Variants in KCNAB1 observed in about 807,000 individuals in gnomAD.
The protein encoded by KCNAB1 is potassium voltage-gated channel subfamily A regulatory beta subunit 1, also known as voltage-gated potassium channel subunit beta-1.
A neutral mutation model predicts 64.6 loss-of-function variants in KCNAB1; 35 were observed. The ratio of observed to expected loss-of-function variants is 0.54; its 90% confidence interval spans 0.41 to 0.72. KCNAB1 has a LOEUF of 0.72. Ranked by LOEUF, KCNAB1 falls within the 30% of genes least tolerant of loss-of-function variation. KCNAB1 has a pLI of 0.00. For synonymous variants in KCNAB1, 177 were observed against 183.8 expected (o/e 0.96, Z 0.30); for missense variants, 401 against 512.9 (o/e 0.78, Z 2.11).
At chr3:156,211,350 T>G (rs941755555) in intron 1 of KCNAB1, among the ~76,000 whole-genome samples, 2 of 152,250 alleles carry the variant, frequency 1.3e-5, no homozygotes, top group African/African-American at 4.8e-5. Flanking sequence ...AATAATTATC[T>G]GCAATGGTTA....
rs1461341673 is a variant in KCNAB1 at position 156,374,501 on chromosome 3, T to G, written c.276-47115T>G. Among the ~76,000 whole-genome samples the G allele has an allele frequency of 2.2e-5, 3 of 135,130 alleles. 1 individual carries two copies. The highest frequency in any genetic ancestry group is 1.0e-4 in the African/African-American group (3 of 30,034). The allele number at this position is 135,130 out of a possible 152,430, so 88.7% of individuals were successfully genotyped here. On this transcript the variant is annotated intron_variant, in intron 1 of 13. Transcript: ENST00000490337. Reference sequence around the variant, plus strand: ...AAGTGTTTATTTGTCAAACATTATTTTTTAGAAGGTACACCAATATTGAGG... The same window carrying G: ...AAGTGTTTATTTGTCAAACATTATTGTTTAGAAGGTACACCAATATTGAGG...
intron 1 of KCNAB1, among the ~76,000 whole-genome samples, chr3:156,268,415 A>G (rs1718844782): frequency 6.6e-6 from 1 of 152,178 alleles, no homozygotes; most frequent in African/African-American, 2.4e-5. Context: ...ATCATATAGT[A>G]GCTCTATTTT....
At chr3:156,180,941 G>GA (rs1250026967) in intron 1 of KCNAB1, among the ~76,000 whole-genome samples, 1 of 152,306 alleles carries the variant, frequency 6.6e-6, no homozygotes, top group South Asian at 2.1e-4. Context: ...CATAGCCCTG[G>GA]ACAGTGGAAG....
intron 1 of KCNAB1, among the ~76,000 whole-genome samples, chr3:156,380,148 C>A (rs552566464): frequency 1.3e-5 from 2 of 152,306 alleles, no homozygotes; most frequent in Admixed American, 1.3e-4. Context: ...CCCCATCCAT[C>A]AGCTGAGGTC....
At chr3:156,153,958 C>T (rs561422223) in intron 1 of KCNAB1, among the ~76,000 whole-genome samples, 1 of 152,132 alleles carries the variant, frequency 6.6e-6, no homozygotes, top group Non-Finnish European at 1.5e-5. Flanking sequence ...CCTATCTATC[C>T]ATTTATCTAT....
chr3:156,172,282 C>CTTTT (rs55927447), intron 1 of KCNAB1, among the ~76,000 whole-genome samples: 3 of 143,756 alleles, frequency 2.1e-5, no homozygotes, highest in Non-Finnish European at 3.0e-5. Flanking sequence ...ATTCAAATGG[C>CTTTT]TTTTTTTTTT....
chr3:156,393,070 G>A (rs1320913222), intron 1 of KCNAB1, among the ~76,000 whole-genome samples: 1 of 152,172 alleles, frequency 6.6e-6, no homozygotes, highest in African/African-American at 2.4e-5. Context: ...TACTACCAAA[G>A]CCATTTAGGC....
intron 7 of KCNAB1, among the ~76,000 whole-genome samples, chr3:156,466,508 G>T (rs530579016): frequency 2.0e-5 from 3 of 151,722 alleles, no homozygotes; most frequent in African/African-American, 7.2e-5. Context: ...TTATTATTTA[G>T]ATTTTTTCAT....
At chr3:156,332,564 C>G (rs191605118) in intron 1 of KCNAB1, among the ~76,000 whole-genome samples, 1 of 152,210 alleles carries the variant, frequency 6.6e-6, no homozygotes, top group Non-Finnish European at 1.5e-5. Flanking sequence ...TTCAGAGTGT[C>G]GTGACATCTG....
chr3:156,486,219 C>T (rs1559910448), intron 8 of KCNAB1, among the ~76,000 whole-genome samples: 3 of 152,276 alleles, frequency 2.0e-5, no homozygotes, highest in African/African-American at 2.4e-5. Context: ...ACGGTGCTTT[C>T]CTGATTCCAT....
intron 7 of KCNAB1, among the ~76,000 whole-genome samples, chr3:156,469,516 A>AT (rs1353569928): frequency 6.6e-6 from 1 of 151,432 alleles, no homozygotes; most frequent in East Asian, 1.9e-4. Flanking sequence ...GCAAATAAGC[A>AT]TTTTTTCAAG....
intron 1 of KCNAB1, among the ~76,000 whole-genome samples, chr3:156,227,356 C>G (rs914000843): frequency 2.0e-5 from 3 of 152,088 alleles, no homozygotes; most frequent in Non-Finnish European, 4.4e-5. Context: ...TTAATAGGCC[C>G]TGAAAGTTTG....
chr3:156,531,306 G>C (rs533604956), intron 12 of KCNAB1, 103 bp from the exon 13 acceptor site: 20 of 849,164 alleles, frequency 2.4e-5, no homozygotes, highest in Admixed American at 3.4e-5. Context: ...ACAAAAAGAA[G>C]TTAATAAATT....
At chr3:156,519,547 C>T (rs565777126) in intron 11 of KCNAB1, among the ~76,000 whole-genome samples, 26 of 152,312 alleles carry the variant, frequency 1.7e-4, no homozygotes, top group African/African-American at 5.8e-4. Flanking sequence ...TATTATTCCA[C>T]GAACACTTCT....
chr3:156,192,729 T>C (rs1713635238), intron 1 of KCNAB1, among the ~76,000 whole-genome samples: 2 of 152,166 alleles, frequency 1.3e-5, no homozygotes, highest in South Asian at 4.1e-4. Flanking sequence ...CTTTTATCAA[T>C]ATGAAATGAG....
intron 3 of KCNAB1, 165 bp from the exon 4 acceptor site, chr3:156,457,288 G>A: frequency 7.0e-7 from 1 of 1,435,150 alleles, no homozygotes; most frequent in Non-Finnish European, 9.1e-7. Context: ...TCTGTCCTAT[G>A]GATACTGGCT....
intron 1 of KCNAB1, among the ~76,000 whole-genome samples, chr3:156,286,374 C>T (rs147224836): frequency 6.8e-4 from 104 of 152,330 alleles, no homozygotes; most frequent in African/African-American, 2.5e-3. Context: ...TGTATACTCA[C>T]ATGTTTAAAA....
At chr3:156,481,419 CAA>C (rs34963527) in intron 8 of KCNAB1, among the ~76,000 whole-genome samples, 3,533 of 119,424 alleles carry the variant, frequency 0.03, 71 homozygotes, top group African/African-American at 0.062. Context: ...AAGCTTGTTG[CAA>C]AAAAAAAAAA....
intron 1 of KCNAB1, among the ~76,000 whole-genome samples, chr3:156,302,403 A>G (rs186995833): frequency 1.3e-5 from 2 of 152,270 alleles, no homozygotes; most frequent in African/African-American, 2.4e-5. Context: ...CATGCAAAAA[A>G]TGTTATATGG....
Sources: gnomAD v4.1 joint callset for allele counts (sites outside exome capture counted in the v4.1 genomes callset) on GRCh38, gnomAD v4.1.1 for gene constraint, MANE v1.5 for transcripts, NCBI Gene and HGNC (gene_info 2026-07-23, HGNC 2026-07-21) for gene names.